Variants in IGF1R observed in about 807,000 individuals in gnomAD.
IGF1R encodes insulin like growth factor 1 receptor.
Under a neutral mutation model 144.6 loss-of-function variants are expected in IGF1R, and 44 were observed. The ratio of observed to expected loss-of-function variants is 0.30; its 90% CI spans 0.24 to 0.39. The LOEUF (loss-of-function observed/expected upper bound fraction) is 0.39. Ranked by LOEUF, IGF1R falls within the 10% of genes least tolerant of loss-of-function variation. IGF1R has a pLI of 1.00. For synonymous variants in IGF1R, 795 were observed against 722.8 expected, an observed-to-expected ratio of 1.10 and a Z score of -1.60; for missense variants, 1,355 against 1,833.7, an observed-to-expected ratio of 0.74 and a Z score of 4.77.
At chr15:98,788,022 T>C (rs2056038268) in intron 2 of IGF1R, among the ~76,000 whole-genome samples, 1 of 149,600 alleles carries the variant, frequency 6.7e-6, no homozygotes, top group African/African-American at 2.5e-5. Context: ...CACGTTCCTA[T>C]GGTGGGTAGG....
chr15:98,855,480 G>A (rs1401923117), intron 2 of IGF1R, among the ~76,000 whole-genome samples: 1 of 152,226 alleles, frequency 6.6e-6, no homozygotes, highest in South Asian at 2.1e-4. Context: ...TGTTATCTAT[G>A]CTATAGGACT....
intron 2 of IGF1R, among the ~76,000 whole-genome samples, chr15:98,730,502 C>T (rs2054473256): frequency 6.6e-6 from 1 of 152,188 alleles, no homozygotes; most frequent in African/African-American, 2.4e-5. Context: ...GATTTTGACT[C>T]TGTTGGCTCT....
intron 2 of IGF1R, chr15:98,820,927 T>C (rs2056790422): frequency 2.0e-5 from 3 of 152,208 alleles, no homozygotes; most frequent in Admixed American, 1.3e-4. Context: ...ACAACATAAA[T>C]TGGTCTTCAC....
chr15:98,949,694 CT>C (rs1368832195), intron 20 of IGF1R, among the ~76,000 whole-genome samples: 1 of 152,218 alleles, frequency 6.6e-6, no homozygotes, highest in African/African-American at 2.4e-5. Flanking sequence ...TGAAAAAACA[CT>C]TTGCAGCTTT....
At position 98,811,402 on chromosome 15, in the gene IGF1R, C is replaced by T. The variant is rs1355673594; in HGVS notation, c.641-79923C>T. On this transcript the variant is annotated intron_variant, in intron 2 of 20. Coordinates refer to ENST00000650285, the MANE Select transcript of IGF1R (RefSeq NM_000875.5). ...AAAATTAGCCAGGCGTGGTTGCGGGCGCCTGTAGTCCCAGCTGCTCGGGAG... is the reference window on the plus strand; with the variant it reads ...AAAATTAGCCAGGCGTGGTTGCGGGTGCCTGTAGTCCCAGCTGCTCGGGAG... 8.7e-5 allele frequency among the ~76,000 whole-genome samples: 13 copies of T among 148,860 alleles called. 1 individual carries two copies. The highest frequency in any genetic ancestry group is 4.0e-4 in the Admixed American group (6 of 14,956).
chr15:98,956,740 C>A (rs771644745), intron 20 of IGF1R, among the ~76,000 whole-genome samples: 1 of 152,262 alleles, frequency 6.6e-6, no homozygotes, highest in Non-Finnish European at 1.5e-5. Context: ...TTTCTTAGCA[C>A]TGCCACCATA....
chr15:98,936,145 C>T (rs749764790), intron 17 of IGF1R, among the ~76,000 whole-genome samples: 5 of 152,182 alleles, frequency 3.3e-5, no homozygotes, highest in Non-Finnish European at 7.3e-5. Flanking sequence ...ATCTGGTTTC[C>T]TCAGACTCTA....
At chr15:98,788,052 C>CTGTGTGTGTGTGTGTGTG (rs1167503156) in intron 2 of IGF1R, among the ~76,000 whole-genome samples, 12 of 139,664 alleles carry the variant, frequency 8.6e-5, no homozygotes, top group African/African-American at 3.1e-4. Context: ...CTCTCTCTCT[C>CTGTGTGTGTGTGTGTGTG]TCTCTCTCTC....
At chr15:98,879,597 T>G (rs1596388698) in intron 2 of IGF1R, among the ~76,000 whole-genome samples, 1 of 152,148 alleles carries the variant, frequency 6.6e-6, no homozygotes, top group Admixed American at 6.5e-5. Context: ...TTTAGTTGAT[T>G]TGATAGCGTT....
intron 2 of IGF1R, among the ~76,000 whole-genome samples, chr15:98,817,540 A>G (rs1045720722): frequency 7.2e-5 from 11 of 152,018 alleles, no homozygotes; most frequent in African/African-American, 2.4e-4. Context: ...CATTTAGACT[A>G]AGGGAGATTG....
chr15:98,781,325 G>A (rs1053419381), intron 2 of IGF1R, among the ~76,000 whole-genome samples: 4 of 152,098 alleles, frequency 2.6e-5, no homozygotes, highest in African/African-American at 9.7e-5. Context: ...AAAATTGGGG[G>A]CAAAAAAGAA....
chr15:98,708,130 C>CT (rs780812417), intron 2 of IGF1R, 23 bp downstream of exon 2: 2 of 1,596,156 alleles, frequency 1.3e-6, no homozygotes, highest in East Asian at 4.5e-5. Context: ...CTGACTGCTG[C>CT]TTTCTCTCTG....
intron 1 of IGF1R, among the ~76,000 whole-genome samples, chr15:98,659,868 T>C (rs2052563317): frequency 6.6e-6 from 1 of 152,220 alleles, no homozygotes; most frequent in Non-Finnish European, 1.5e-5. Flanking sequence ...CTCTCCCCTT[T>C]GGCTATTCTA....
intron 17 of IGF1R, among the ~76,000 whole-genome samples, chr15:98,937,871 A>G (rs1224630549): frequency 2.6e-5 from 4 of 152,220 alleles, no homozygotes; most frequent in Admixed American, 6.5e-5. Context: ...ATATTTCCTC[A>G]TGCATCACAC....
intron 13 of IGF1R, 51 bp from the exon 14 acceptor site, chr15:98,929,507 A>G (rs751761012): frequency 1.4e-6 from 2 of 1,399,850 alleles, no homozygotes; most frequent in Non-Finnish European, 2.0e-6. Flanking sequence ...AAATGAAATG[A>G]GCAAATTGTT....
In IGF1R at chr15:98,649,563, T is replaced by A; in HGVS notation, c.-19T>A. ...TTTTTTTTTTTTGAGAAAGGGGAATTTCATCCCAAATAAAAGGAATGAAGT... is the reference window on the plus strand; with the variant it reads ...TTTTTTTTTTTTGAGAAAGGGGAATATCATCCCAAATAAAAGGAATGAAGT... On this transcript the variant is annotated 5_prime_UTR_variant, in exon 1 of 21. Coordinates refer to ENST00000650285, the MANE Select transcript of IGF1R (RefSeq NM_000875.5). 7.8e-7 allele frequency: 1 copy of A among 1,289,910 alleles called. No homozygotes were observed. The highest frequency in any genetic ancestry group is 1.1e-6 in the Non-Finnish European group (1 of 898,518). The allele number at this position is 1,289,910 out of a possible 1,614,324, so 79.9% of individuals were successfully genotyped here.
chr15:98,949,829 TG>T (rs2016705844), intron 20 of IGF1R, among the ~76,000 whole-genome samples: 1 of 152,144 alleles, frequency 6.6e-6, no homozygotes, highest in Non-Finnish European at 1.5e-5. Context: ...TCTGTGTCCG[TG>T]GACGGTGCTG....
intron 2 of IGF1R, among the ~76,000 whole-genome samples, chr15:98,732,384 G>A (rs1351719035): frequency 6.6e-6 from 1 of 152,200 alleles, no homozygotes; most frequent in Non-Finnish European, 1.5e-5. Context: ...GCGGAAACCA[G>A]TTGTGGCCCT....
chr15:98,956,948 C>G, intron 20 of IGF1R, 113 bp from the exon 21 acceptor site: 1 of 1,211,802 alleles, frequency 8.3e-7, no homozygotes, highest in Non-Finnish European at 1.2e-6. Flanking sequence ...GGGCTGTGTT[C>G]AGTGCTCCCG....
Sources: allele counts gnomAD v4.1 joint callset (sites outside exome capture counted in the v4.1 genomes callset), GRCh38; gene constraint gnomAD v4.1.1; transcripts MANE v1.5; gene names NCBI Gene and HGNC (gene_info 2026-07-23, HGNC 2026-07-21).